KIRREL3: variants seen among roughly 807,000 people sequenced by gnomAD.
KIRREL3 encodes the protein kirre like nephrin family adhesion molecule 3.
A neutral mutation model predicts 89.7 loss-of-function variants in KIRREL3; 36 were observed. The ratio of observed to expected loss-of-function variants is 0.40; its 90% CI spans 0.31 to 0.53. The LOEUF is 0.53. KIRREL3 is among the 20% of genes least tolerant of loss of function. The probability of loss-of-function intolerance (pLI) is 0.49; values close to 1 mark genes in which losing one functional copy is unlikely to be tolerated. For synonymous variants in KIRREL3, 445 were observed against 441.4 expected (o/e 1.01, Z -0.10); for missense variants, 864 against 1,056.6 (o/e 0.82, Z 2.53).
rs1481919616 is a variant in KIRREL3, at chr11:126,641,056, C to A, written c.56-78144G>T. 6.6e-6 allele frequency among the ~76,000 whole-genome samples: 1 copy of A among 152,170 alleles called. No individual in the cohort carries two copies. Among genetic ancestry groups the A allele is most frequent in the Non-Finnish European group, 1.5e-5 (1 of 68,036 alleles). Reference sequence around the variant, plus strand: ...TGCTCCGAAAAGAACTCCTGGTCTTCTCCCACAGGCCTGCCCCTCTCACGG... The same window carrying A: ...TGCTCCGAAAAGAACTCCTGGTCTTATCCCACAGGCCTGCCCCTCTCACGG... On this transcript the variant is annotated intron_variant, in intron 1 of 16. Coordinates refer to ENST00000525144, the MANE Select transcript of KIRREL3 (RefSeq NM_032531.4). This position sits in a 1 kb window ranked among gnomAD's most constrained non-coding sequence, Gnocchi z 5.0.
chr11:126,426,249 C>T (rs1278510573), intron 15 of KIRREL3, among the ~76,000 whole-genome samples: 1 of 152,188 alleles, frequency 6.6e-6, no homozygotes, highest in Admixed American at 6.5e-5. Context: ...TAGGGAGTCA[C>T]AAGGAATAAC....
chr11:126,468,781 G>A (rs997629554), intron 5 of KIRREL3, among the ~76,000 whole-genome samples: 4 of 152,216 alleles, frequency 2.6e-5, no homozygotes, highest in Non-Finnish European at 5.9e-5. Flanking sequence ...ATAATTTCTT[G>A]TAAGTCACTC....
intron 1 of KIRREL3, among the ~76,000 whole-genome samples, chr11:126,716,759 G>A (rs1448355742): frequency 1.4e-5 from 2 of 145,212 alleles, no homozygotes; most frequent in Admixed American, 6.9e-5. Context: ...GGGGGGGGGG[G>A]GAAGTGTGGG....
intron 11 of KIRREL3, among the ~76,000 whole-genome samples, chr11:126,437,456 C>T (rs1955398075): frequency 6.6e-6 from 1 of 152,206 alleles, no homozygotes; most frequent in Non-Finnish European, 1.5e-5. Flanking sequence ...TTTGTACACA[C>T]ACACCACACT....
At chr11:126,741,303 T>C (rs972391747) in intron 1 of KIRREL3, among the ~76,000 whole-genome samples, 1 of 152,230 alleles carries the variant, frequency 6.6e-6, no homozygotes, top group Non-Finnish European at 1.5e-5. Context: ...ATGCATATAA[T>C]TTTAATGATA....
rs1957660298 is a variant in KIRREL3, at chr11:126,496,529, G to A, written c.434-23063C>T. ...ACTCCCTTCACAAATGAGAACCCAA[G>A]GTGTTGGCCAAGTTTGGAGGGAGGG... On this transcript the variant is annotated intron_variant, in intron 4 of 16. Coordinates refer to ENST00000525144, the MANE Select transcript of KIRREL3 (RefSeq NM_032531.4). The surrounding 1 kb of genome is among the most constrained non-coding windows in gnomAD (Gnocchi z 4.9). Among the ~76,000 whole-genome samples, 1 of 152,044 alleles carries A rather than the reference G, an allele frequency of 6.6e-6. No individual in the cohort carries two copies. Among genetic ancestry groups the A allele is most frequent in the South Asian group, 2.1e-4 (1 of 4,824 alleles).
intron 1 of KIRREL3, among the ~76,000 whole-genome samples, chr11:126,952,834 C>T (rs1392802051): frequency 6.6e-6 from 1 of 152,152 alleles, no homozygotes; most frequent in South Asian, 2.1e-4. Context: ...CAGGAAACAA[C>T]AGATGCTGGA....
chr11:126,690,361 G>GTTTTTTTTTTTTTT (rs368699048), intron 1 of KIRREL3, among the ~76,000 whole-genome samples: 1 of 144,440 alleles, frequency 6.9e-6, no homozygotes. Context: ...TCTAAGCAGG[G>GTTTTTTTTTTTTTT]GTTTTTTTTT....
chr11:126,511,772 T>C (rs1456828487), intron 4 of KIRREL3, among the ~76,000 whole-genome samples: 2 of 152,222 alleles, frequency 1.3e-5, no homozygotes, highest in Non-Finnish European at 2.9e-5. Context: ...TTTAGTGGCA[T>C]TTTCCTTTCT....
At chr11:126,532,418 C>T (rs574323172) in intron 2 of KIRREL3, among the ~76,000 whole-genome samples, 2 of 151,950 alleles carry the variant, frequency 1.3e-5, no homozygotes, top group Non-Finnish European at 2.9e-5. Flanking sequence ...TCTTGTCGCC[C>T]AGGATGGAGT....
chr11:126,879,072 G>C lies in KIRREL3; in HGVS notation c.55+121383C>G, dbSNP rs539641742. On this transcript the variant is annotated intron_variant, in intron 1 of 16. Transcript: ENST00000525144. The surrounding 1 kb of genome is among the most constrained non-coding windows in gnomAD (Gnocchi z 5.4). Reference sequence around the variant, plus strand: ...GTCAATTACAGGGCATTACTCTGCAGGCCAACCGGCAATTACAATGGCATC... The same window carrying C: ...GTCAATTACAGGGCATTACTCTGCACGCCAACCGGCAATTACAATGGCATC... 3.9e-5 allele frequency among the ~76,000 whole-genome samples: 6 copies of C among 152,306 alleles called. No homozygotes were observed. In the South Asian group the frequency reaches 1.2e-3, roughly 32 times the overall value.
In KIRREL3 at chr11:126,531,586, C is replaced by T. The variant is rs932145699; in HGVS notation, c.134-4899G>A. ...CAAGGCTCCCCCACCCAAGGCCCCC[C>T]CTAAGCAACCCCACCTATCATTGAA... On this transcript the variant is annotated intron_variant, in intron 2 of 16. Transcript: ENST00000525144. This position sits in a 1 kb window ranked among gnomAD's most constrained non-coding sequence, Gnocchi z 4.7. 6.6e-6 allele frequency among the ~76,000 whole-genome samples: 1 copy of T among 151,842 alleles called. No homozygotes were observed. The highest frequency in any genetic ancestry group is 1.5e-5 in the Non-Finnish European group (1 of 67,960).
rs915218979 is a variant in KIRREL3 at position 126,940,006 on chromosome 11, C to T, written c.55+60449G>A. Among the ~76,000 whole-genome samples the T allele has an allele frequency of 5.3e-5, 8 of 152,174 alleles. No individual in the cohort carries two copies. The highest frequency in any genetic ancestry group is 5.9e-5 in the Non-Finnish European group (4 of 68,030). ...ACTTTTCACCACCTCCTCTATCCTA[C>T]TCTACCAACCTTCAGACTCTTCTAG... is the stretch of plus-strand genomic sequence containing the variant. On this transcript the variant is annotated intron_variant, in intron 1 of 16. Coordinates refer to ENST00000525144, the MANE Select transcript of KIRREL3 (RefSeq NM_032531.4). The surrounding 1 kb of genome is among the most constrained non-coding windows in gnomAD (Gnocchi z 4.6).
At chr11:126,866,234 A>G (rs907089945) in intron 1 of KIRREL3, among the ~76,000 whole-genome samples, 2 of 152,176 alleles carry the variant, frequency 1.3e-5, no homozygotes, top group Non-Finnish European at 2.9e-5. Context: ...CACAGTTAGG[A>G]AGAAAGAGGA....
rs1958087436 is a variant in KIRREL3 at position 126,508,136 on chromosome 11, G to A, written c.433+13179C>T. ...GGGTGATCTCTCAGCTGCTAACATTGTTTCTGACATATTTTCACATGAAAA... is the reference window on the plus strand; with the variant it reads ...GGGTGATCTCTCAGCTGCTAACATTATTTCTGACATATTTTCACATGAAAA... On this transcript the variant is annotated intron_variant, in intron 4 of 16. Transcript: ENST00000525144. The surrounding 1 kb of genome is among the most constrained non-coding windows in gnomAD (Gnocchi z 4.9). 6.6e-6 allele frequency among the ~76,000 whole-genome samples: 1 copy of A among 152,114 alleles called. No individual in the cohort carries two copies. Among genetic ancestry groups the A allele is most frequent in the Admixed American group, 6.5e-5 (1 of 15,274 alleles).
chr11:126,988,963 T>C (rs1363140946), intron 1 of KIRREL3, among the ~76,000 whole-genome samples: 1 of 152,062 alleles, frequency 6.6e-6, no homozygotes, highest in African/African-American at 2.4e-5. Flanking sequence ...TATTAAGGTA[T>C]CCCAAAACAC....
At chr11:126,678,895 G>T (rs947673240) in intron 1 of KIRREL3, among the ~76,000 whole-genome samples, 2 of 152,164 alleles carry the variant, frequency 1.3e-5, no homozygotes, top group African/African-American at 2.4e-5. Flanking sequence ...GAATGTTTGA[G>T]GTTGAATTCG....
In KIRREL3 at chr11:126,474,762, G is replaced by A. The variant is rs115886903; in HGVS notation, c.434-1296C>T. 6.0e-3 allele frequency among the ~76,000 whole-genome samples: 921 copies of A among 152,342 alleles called. 11 individuals carry two copies. The highest frequency in any genetic ancestry group is 0.021 in the African/African-American group (875 of 41,584). On this transcript the variant is annotated intron_variant, in intron 4 of 16. Transcript: ENST00000525144. The surrounding 1 kb of genome is among the most constrained non-coding windows in gnomAD (Gnocchi z 6.7). Reference sequence around the variant, plus strand: ...GGGGAAACTCCACTGACATTTGCTGGCCCCACTGGGGTCACCCTTTGATTC... The same window carrying A: ...GGGGAAACTCCACTGACATTTGCTGACCCCACTGGGGTCACCCTTTGATTC...
In KIRREL3 at chr11:126,844,281, G is replaced by A. The variant is rs559584300; in HGVS notation, c.55+156174C>T. Among the ~76,000 whole-genome samples the A allele has an allele frequency of 1.3e-5, 2 of 152,314 alleles. No individual in the cohort carries two copies. Among genetic ancestry groups the A allele is most frequent in the South Asian group, 2.1e-4 (1 of 4,820 alleles). On this transcript the variant is annotated intron_variant, in intron 1 of 16. Coordinates refer to ENST00000525144, the MANE Select transcript of KIRREL3 (RefSeq NM_032531.4). This position sits in a 1 kb window ranked among gnomAD's most constrained non-coding sequence, Gnocchi z 4.8. ...CGACCCAAATGCTAACTTTGGGTAAGTGGTGGGGTCCGGTGACATCTTTCT... is the reference window on the plus strand; with the variant it reads ...CGACCCAAATGCTAACTTTGGGTAAATGGTGGGGTCCGGTGACATCTTTCT...
Sources: gnomAD v4.1 joint callset for allele counts (sites outside exome capture counted in the v4.1 genomes callset) on GRCh38, gnomAD v4.1.1 for gene constraint, Gnocchi (gnomAD v3.1) non-coding constraint, MANE v1.5 for transcripts, NCBI Gene and HGNC (gene_info 2026-07-23, HGNC 2026-07-21) for gene names.